Variants in INSYN2A observed in about 807,000 individuals in gnomAD.
INSYN2A encodes inhibitory synaptic factor 2A.
A neutral mutation model predicts 39.4 loss-of-function variants in INSYN2A; 17 were observed. The observed-to-expected ratio is 0.43, with a 90% CI of 0.30 to 0.65. The LOEUF (loss-of-function observed/expected upper bound fraction) is 0.65, where lower values mean the gene tolerates loss of function less well. INSYN2A is among the 30% of genes least tolerant of loss of function. INSYN2A has a pLI of 0.14. For missense variants in INSYN2A, 595 were observed against 631.2 expected (o/e 0.94, Z 0.61); for synonymous variants, 255 against 265.7 (o/e 0.96, Z 0.39).
rs2050759758 is a variant in INSYN2A, at chr10:127,137,007, C to A, written c.*830G>T. 6.6e-6 allele frequency: 1 copy of A among 152,576 alleles called. No individual in the cohort carries two copies. 9.5% of individuals were successfully genotyped at this position (152,576 alleles called of 1,614,324 possible). A position where few individuals can be genotyped will look rare whatever the true frequency, so the allele number is the denominator to read the frequency against. On this transcript the variant is annotated 3_prime_UTR_variant, in exon 6 of 6. Coordinates refer to ENST00000522781, the MANE Select transcript of INSYN2A (RefSeq NM_001039762.3). ...GTATCTCTATGTATGTTCTCAGATT[C>A]TTGCCAGAATGTATTATTTGGCCTT...
intron 5 of INSYN2A, among the ~76,000 whole-genome samples, chr10:127,152,447 G>A (rs747560311): frequency 7.2e-5 from 11 of 152,220 alleles, no homozygotes; most frequent in African/African-American, 4.8e-5. Context: ...AGCTTGGCGT[G>A]CCATGCCAGG....
rs1385386953 is a variant in INSYN2A at position 127,146,450 on chromosome 10, A to G, written c.1256+7402T>C. Among the ~76,000 whole-genome samples, 3 of 152,236 alleles carry G rather than the reference A, an allele frequency of 2.0e-5. No homozygotes were observed. The East Asian group carries it at 5.8e-4, about 29-fold the overall frequency. ...ATATATTTTTGGATTTCAAATAGAA[A>G]AGAAAAAACTTGGATTATTAGCTTT... On this transcript the variant is annotated intron_variant, in intron 5 of 5. Transcript: ENST00000522781.
intron 2 of INSYN2A, among the ~76,000 whole-genome samples, chr10:127,189,279 T>C (rs79760849): frequency 0.015 from 2,303 of 152,318 alleles, 16 homozygotes; most frequent in Non-Finnish European, 0.024. Flanking sequence ...GATGCTTCCA[T>C]GTGGAATTAT....
At chr10:127,179,219 G>A (rs983420776) in intron 2 of INSYN2A, among the ~76,000 whole-genome samples, 6 of 152,164 alleles carry the variant, frequency 3.9e-5, no homozygotes, top group African/African-American at 1.4e-4. Flanking sequence ...GTTGGCTGGG[G>A]TAAGAAATAT....
chr10:127,173,868 T>A (rs914649909), intron 4 of INSYN2A, among the ~76,000 whole-genome samples: 2 of 152,184 alleles, frequency 1.3e-5, no homozygotes, highest in African/African-American at 4.8e-5. Flanking sequence ...TACCTATGAA[T>A]CTACTGTTAA....
intron 2 of INSYN2A, among the ~76,000 whole-genome samples, chr10:127,179,980 A>C (rs1480758679): frequency 6.6e-6 from 1 of 152,208 alleles, no homozygotes; most frequent in Non-Finnish European, 1.5e-5. Context: ...AAACCGAGGC[A>C]CACGATTTTG....
chr10:127,181,130 G>A (rs2055692418), intron 2 of INSYN2A, among the ~76,000 whole-genome samples: 1 of 152,154 alleles, frequency 6.6e-6, no homozygotes, highest in African/African-American at 2.4e-5. Context: ...TTTTGAGGGA[G>A]CCCTGATAAA....
intron 2 of INSYN2A, among the ~76,000 whole-genome samples, chr10:127,181,772 A>G (rs2055758666): frequency 1.3e-5 from 2 of 152,088 alleles, no homozygotes; most frequent in Admixed American, 6.6e-5. Flanking sequence ...GTAAAATAGA[A>G]CCTCACTCAC....
rs1377762155 is a variant in INSYN2A at position 127,189,380 on chromosome 10, CAGTGAGCCTGGGCA to C, written c.-269+3211_-269+3224del. 1.4e-4 allele frequency among the ~76,000 whole-genome samples: 21 copies of C among 152,302 alleles called. No homozygotes were observed. In the East Asian group the frequency reaches 4.0e-3, roughly 29 times the overall value. ...CAGTGCAGTGTGGGGCCAACCCTGC[CAGTGAGCCTGGGCA>C]CTCTGTCTGAGGCTCCAGTGTCCAG... is the stretch of plus-strand genomic sequence containing the variant. On this transcript the variant is annotated intron_variant, in intron 2 of 5. Transcript: ENST00000522781.
intron 4 of INSYN2A, among the ~76,000 whole-genome samples, chr10:127,160,127 G>C (rs2053465452): frequency 1.4e-5 from 2 of 144,214 alleles, no homozygotes; most frequent in South Asian, 4.3e-4. Context: ...TTGGTTAAAA[G>C]GTCAGGAAAG....
At chr10:127,177,683 G>T (rs2055305205) in intron 2 of INSYN2A, among the ~76,000 whole-genome samples, 1 of 152,336 alleles carries the variant, frequency 6.6e-6, no homozygotes, top group Middle Eastern at 3.4e-3. Context: ...TGTCCTGGGG[G>T]TGTCTGAAAA....
In INSYN2A at chr10:127,175,012, A is replaced by G. The variant is rs2054947883; in HGVS notation, c.1184+200T>C. On this transcript the variant is annotated intron_variant, in intron 4 of 5. Transcript: ENST00000522781. The surrounding 1 kb of genome is among the most constrained non-coding windows in gnomAD (Gnocchi z 6.3). Reference sequence around the variant, plus strand: ...GCCAGAAAGATGAACATTAACCAGAAAGCGTATCGTGCAGGATGCAGTGAC... The same window carrying G: ...GCCAGAAAGATGAACATTAACCAGAGAGCGTATCGTGCAGGATGCAGTGAC... Among the ~76,000 whole-genome samples, 1 of 152,200 alleles carries G rather than the reference A, an allele frequency of 6.6e-6. No individual in the cohort carries two copies. Among genetic ancestry groups the G allele is most frequent in the African/African-American group, 2.4e-5 (1 of 41,446 alleles).
intron 5 of INSYN2A, among the ~76,000 whole-genome samples, chr10:127,139,479 C>T (rs1564833398): frequency 6.6e-6 from 1 of 151,772 alleles, no homozygotes. Context: ...TTCGAAGAGC[C>T]TCTTTGAGTT....
intron 4 of INSYN2A, among the ~76,000 whole-genome samples, chr10:127,160,868 C>A (rs1037753930): frequency 6.6e-6 from 1 of 152,114 alleles, no homozygotes; most frequent in Non-Finnish European, 1.5e-5. Flanking sequence ...GCATTCTTAC[C>A]CAGGTTTGTG....
At chr10:127,192,580 G>A (rs772611408) in intron 2 of INSYN2A, 25 bp downstream of exon 2, 1 of 152,190 alleles carries the variant, frequency 6.6e-6, no homozygotes, top group Non-Finnish European at 1.5e-5. Context: ...CGACTCAAAT[G>A]CACACTGAAT....
intron 4 of INSYN2A, among the ~76,000 whole-genome samples, chr10:127,162,757 G>C (rs117262371): frequency 0.011 from 1,721 of 152,262 alleles, 17 homozygotes; most frequent in Middle Eastern, 0.017. Flanking sequence ...CCGACATAAC[G>C]AGCCGGCCTC....
chr10:127,163,853 A>G (rs2053815871), intron 4 of INSYN2A, among the ~76,000 whole-genome samples: 1 of 150,538 alleles, frequency 6.6e-6, no homozygotes, highest in African/African-American at 2.5e-5. Flanking sequence ...TGTTCCAGGA[A>G]GAAACACCCT....
chr10:127,181,848 T>A (rs989399480), intron 2 of INSYN2A, among the ~76,000 whole-genome samples: 2 of 152,138 alleles, frequency 1.3e-5, no homozygotes, highest in African/African-American at 4.8e-5. Context: ...GCCAATTGAG[T>A]CTTCAGAACT....
chr10:127,177,451 A>G (rs1483362484), intron 2 of INSYN2A, among the ~76,000 whole-genome samples: 4 of 152,244 alleles, frequency 2.6e-5, no homozygotes, highest in African/African-American at 9.6e-5. Context: ...GCTTAAAGCA[A>G]GAAAATAGAG....
Sources: allele counts gnomAD v4.1 joint callset (sites outside exome capture counted in the v4.1 genomes callset), GRCh38; gene constraint gnomAD v4.1.1; non-coding constraint Gnocchi (gnomAD v3.1); transcripts MANE v1.5; gene names NCBI Gene and HGNC (gene_info 2026-07-23, HGNC 2026-07-21).